The following UPRT variants were observed in gnomAD, a reference collection of about 807,000 sequenced individuals.
UPRT encodes the protein uracil phosphoribosyltransferase homolog.
UPRT carries 5 observed loss-of-function variants against 22.6 expected under a neutral mutation model. That is an observed-to-expected ratio of 0.22 (90% CI 0.12 to 0.47). The LOEUF (loss-of-function observed/expected upper bound fraction) is 0.47. UPRT is among the 20% of genes least tolerant of loss of function. The probability of loss-of-function intolerance (pLI) is 0.99; values close to 1 mark genes in which losing one functional copy is unlikely to be tolerated. For synonymous variants in UPRT, 77 were observed against 87.7 expected, an observed-to-expected ratio of 0.88 and a Z score of 0.68; for missense variants, 181 against 239.9, an observed-to-expected ratio of 0.75 and a Z score of 1.62.
chrX:75,269,921 AC>A (rs1421048767), upstream of UPRT, among the ~76,000 whole-genome samples: 1 of 111,996 alleles, frequency 8.9e-6, no homozygotes, highest in Non-Finnish European at 1.9e-5. Context: ...TAATTATACA[AC>A]AGAGCTTCTG....
chrX:75,252,125 G>T (rs1030320908), intron 4 of UPRT, among the ~76,000 whole-genome samples: 2 of 111,787 alleles, frequency 1.8e-5, no homozygotes, highest in Non-Finnish European at 3.8e-5. Context: ...GAAAACCTAG[G>T]CAGTACCATT....
intron 4 of UPRT, among the ~76,000 whole-genome samples, chrX:75,178,118 C>T (rs1277673655): frequency 8.9e-6 from 1 of 112,213 alleles, no homozygotes; most frequent in Non-Finnish European, 1.9e-5. Flanking sequence ...CGGCTCAGCC[C>T]AGAAGTACAG....
chrX:75,228,308 A>T (rs1251286898), intron 4 of UPRT, among the ~76,000 whole-genome samples: 1 of 111,943 alleles, frequency 8.9e-6, no homozygotes, highest in Non-Finnish European at 1.9e-5. Flanking sequence ...AATGTTGAAT[A>T]GGGCAGATCC....
chrX:75,268,633 G>A (rs1347351291), intron 4 of UPRT, among the ~76,000 whole-genome samples: 1 of 111,622 alleles, frequency 9.0e-6, no homozygotes, highest in Non-Finnish European at 1.9e-5. Flanking sequence ...TAACTCATCA[G>A]ATAAACAGAA....
chrX:75,170,017 T>C (rs1050399916), intron 4 of UPRT, among the ~76,000 whole-genome samples: 45 of 104,018 alleles, frequency 4.3e-4, no homozygotes, highest in Admixed American at 3.3e-4. Flanking sequence ...TTTATCATTA[T>C]ATAATGTCGC....
intron 4 of UPRT, among the ~76,000 whole-genome samples, chrX:75,177,389 G>A (rs908689596): frequency 3.6e-5 from 4 of 111,554 alleles, no homozygotes; most frequent in African/African-American, 9.8e-5. Context: ...CCTTACCGAC[G>A]CATTCTTGAA....
chrX:75,188,191 GAA>G (rs2082301546), intron 4 of UPRT, among the ~76,000 whole-genome samples: 1 of 111,973 alleles, frequency 8.9e-6, no homozygotes, highest in African/African-American at 3.3e-5. Context: ...GTGATGTACA[GAA>G]GGTTTTTGGT....
chrX:75,185,281 T>C (rs2099627035), intron 4 of UPRT, among the ~76,000 whole-genome samples: 1 of 112,125 alleles, frequency 8.9e-6, no homozygotes. Context: ...GAGATAATCA[T>C]GTGTTTTTTG....
chrX:75,206,018 A>G (rs2082365366), intron 4 of UPRT, among the ~76,000 whole-genome samples: 1 of 111,710 alleles, frequency 9.0e-6, no homozygotes, highest in South Asian at 3.8e-4. Context: ...TTAAAAGGGC[A>G]TTGGCCCATT....
chrX:75,260,149 A>G (rs2082563042), intron 4 of UPRT, among the ~76,000 whole-genome samples: 1 of 112,350 alleles, frequency 8.9e-6, no homozygotes, highest in South Asian at 3.7e-4. Context: ...CCACTGCAAA[A>G]ACATGCCAAA....
At chrX:75,258,625 AG>A (rs1331253209) in intron 4 of UPRT, among the ~76,000 whole-genome samples, 1 of 112,120 alleles carries the variant, frequency 8.9e-6, no homozygotes, top group Non-Finnish European at 1.9e-5. Flanking sequence ...AACCCCAGTC[AG>A]GGGCTTATAG....
At position 75,250,587 on chromosome X, in the gene UPRT, C is replaced by A. The variant is rs4416975; in HGVS notation, c.-446-40437C>A. Among the ~76,000 whole-genome samples the A allele has an allele frequency of 9.2e-3, 1,021 of 110,688 alleles. 6 individuals are homozygous for A. The highest frequency in any genetic ancestry group is 0.014 in the Middle Eastern group (3 of 213). ...ATAATTAATAGCTTACCAACCAAAA[C>A]AAGTCCAGGACCAGATGGATTCACA... is the stretch of plus-strand genomic sequence containing the variant. On this transcript the variant is annotated intron_variant, in intron 4 of 13. Coordinates refer to the UPRT transcript ENST00000652605.
intron 4 of UPRT, among the ~76,000 whole-genome samples, chrX:75,233,902 A>G (rs764087442): frequency 1.7e-4 from 19 of 110,966 alleles, no homozygotes; most frequent in South Asian, 1.6e-3. Context: ...ACCAGCTAAC[A>G]TCATAAAGAC....
At chrX:75,243,709 T>C (rs1232022710) in intron 4 of UPRT, among the ~76,000 whole-genome samples, 3 of 111,793 alleles carry the variant, frequency 2.7e-5, no homozygotes, top group African/African-American at 6.5e-5. Context: ...AAGGCAATTG[T>C]ACTATTCTAA....
chrX:75,183,679 C>A (rs1321149510), intron 4 of UPRT, among the ~76,000 whole-genome samples: 2 of 111,875 alleles, frequency 1.8e-5, no homozygotes, highest in Non-Finnish European at 3.8e-5. Flanking sequence ...TCCTCCCCAG[C>A]ACCTTTTGTT....
intron 4 of UPRT, among the ~76,000 whole-genome samples, chrX:75,250,520 C>G (rs1365098564): frequency 8.1e-5 from 9 of 111,377 alleles, no homozygotes; most frequent in South Asian, 3.7e-4. Flanking sequence ...GGAAGAAGTT[C>G]AATCCCTGAA....
intron 4 of UPRT, among the ~76,000 whole-genome samples, chrX:75,170,131 G>A (rs2082222971): frequency 9.3e-6 from 1 of 107,840 alleles, no homozygotes; most frequent in South Asian, 4.2e-4. Flanking sequence ...CCGCCTCCCG[G>A]GTTCAAGCGA....
At chrX:75,260,409 C>A (rs2082563968) in intron 4 of UPRT, among the ~76,000 whole-genome samples, 1 of 111,905 alleles carries the variant, frequency 8.9e-6, no homozygotes, top group African/African-American at 3.3e-5. Context: ...GGAGGAAGAT[C>A]TACCAAACAA....
intron 1 of UPRT, among the ~76,000 whole-genome samples, chrX:75,290,437 A>G (rs2082701964): frequency 8.9e-6 from 1 of 111,900 alleles, no homozygotes; most frequent in Admixed American, 9.5e-5. Flanking sequence ...CAAGAATCCC[A>G]TTACGGGGTA....
Sources: gnomAD v4.1 joint callset for allele counts (sites outside exome capture counted in the v4.1 genomes callset) on GRCh38, gnomAD v4.1.1 for gene constraint, MANE v1.5 for transcripts, NCBI Gene and HGNC (gene_info 2026-07-23, HGNC 2026-07-21) for gene names.